ATG4C: variants seen among roughly 807,000 people sequenced by gnomAD.
ATG4C encodes autophagy related 4C cysteine peptidase.
Under a neutral mutation model 57.6 loss-of-function variants are expected in ATG4C, and 56 were observed. That is an observed-to-expected ratio of 0.97 (90% CI 0.78 to 1.21). The LOEUF is 1.21. Ranked by LOEUF, ATG4C falls within the 50% of genes most tolerant of loss-of-function variation. The pLI, the probability that ATG4C is intolerant of heterozygous loss-of-function variation, is 0.00. For synonymous variants in ATG4C, 157 were observed against 174.1 expected, an observed-to-expected ratio of 0.90 and a Z score of 0.78; for missense variants, 595 against 529.8, an observed-to-expected ratio of 1.12 and a Z score of -1.21.
intron 10 of ATG4C, among the ~76,000 whole-genome samples, chr1:62,858,745 TA>T (rs1666761306): frequency 6.6e-6 from 1 of 152,214 alleles, no homozygotes; most frequent in African/African-American, 2.4e-5. Flanking sequence ...CAGGCCTTTT[TA>T]TTTGAGGGCT....
chr1:62,852,958 A>G (rs1268231688), intron 10 of ATG4C, among the ~76,000 whole-genome samples: 3 of 152,174 alleles, frequency 2.0e-5, no homozygotes, highest in Non-Finnish European at 2.9e-5. Context: ...TTGATCTCCT[A>G]TATTCTGAAT....
In ATG4C at chr1:62,819,102, A is replaced by G; in HGVS notation, c.492A>G (p.Ser164=). The change falls in exon 5 of 11, where the codon TCA becomes TCG. Residue 164 remains serine (S), a synonymous_variant. Coordinates refer to ENST00000317868, the MANE Select transcript of ATG4C (RefSeq NM_032852.4). The stretch of plus-strand genomic sequence containing the variant: ...AATTTACTGCATCATTTGAAGCATC[A>G]CTTTCAGGGGAAAGAGAATTCAAAA... ...VKKFTASFEA[S]LSGEREFKTP... 6.2e-7 allele frequency: 1 copy of G among 1,612,570 alleles called. No individual in the cohort carries two copies. The highest frequency in any genetic ancestry group is 8.5e-7 in the Non-Finnish European group (1 of 1,179,302).
chr1:62,841,765 C>T (rs1272960233), intron 10 of ATG4C, among the ~76,000 whole-genome samples: 2 of 151,968 alleles, frequency 1.3e-5, no homozygotes, highest in Non-Finnish European at 2.9e-5. Flanking sequence ...TTGATTGGTC[C>T]ACTAGGTGGC....
intron 1 of ATG4C, chr1:62,785,270 A>G (rs1399634908): frequency 1.8e-4 from 27 of 152,316 alleles, no homozygotes; most frequent in Admixed American, 1.7e-3. Flanking sequence ...GGTAAAGTCT[A>G]TGTATTTTCT....
intron 6 of ATG4C, among the ~76,000 whole-genome samples, chr1:62,828,251 A>C (rs1665729409): frequency 6.6e-6 from 1 of 152,130 alleles, no homozygotes; most frequent in Non-Finnish European, 1.5e-5. Context: ...GGTTAAACTA[A>C]TCTACACTCC....
intron 3 of ATG4C, among the ~76,000 whole-genome samples, chr1:62,808,282 G>T (rs1021000000): frequency 1.3e-5 from 2 of 152,174 alleles, no homozygotes; most frequent in Non-Finnish European, 2.9e-5. Context: ...AGACAGAGAG[G>T]AAACAAAGAT....
In ATG4C at chr1:62,803,745, A is replaced by C; in HGVS notation, c.-42A>C. Reference sequence around the variant, plus strand: ...CAGTATAAAAGATTAAACTCTACAGAAGAATGCAATCAAGTGATGGCTTTT... The same window carrying C: ...CAGTATAAAAGATTAAACTCTACAGCAGAATGCAATCAAGTGATGGCTTTT... On this transcript the variant is annotated 5_prime_UTR_variant, in exon 2 of 11. Transcript: ENST00000317868. 2 of 1,381,164 alleles carry C rather than the reference A, an allele frequency of 1.4e-6. No homozygotes were observed. Among genetic ancestry groups the C allele is most frequent in the Non-Finnish European group, 2.0e-6 (2 of 987,162 alleles). The allele number at this position is 1,381,164 out of a possible 1,614,324, so 85.6% of individuals were successfully genotyped here. A position where few individuals can be genotyped will look rare whatever the true frequency, so the allele number is the denominator to read the frequency against.
chr1:62,861,576 AACACACACACACACACACACACACAC>A (rs57225222), intron 10 of ATG4C, among the ~76,000 whole-genome samples: 97 of 133,562 alleles, frequency 7.3e-4, no homozygotes, highest in African/African-American at 2.6e-3. Flanking sequence ...TGGAAAATAG[AACACACACACACACACACACACACAC>A]ACACACACAC....
chr1:62,802,570 A>G (rs978208134), intron 1 of ATG4C, among the ~76,000 whole-genome samples: 1 of 152,074 alleles, frequency 6.6e-6, no homozygotes, highest in Non-Finnish European at 1.5e-5. Context: ...ATTCCTTTCC[A>G]TGTTCTTCTC....
At chr1:62,806,614 C>T (rs990054685) in intron 3 of ATG4C, among the ~76,000 whole-genome samples, 5 of 151,796 alleles carry the variant, frequency 3.3e-5, no homozygotes, top group Admixed American at 6.6e-5. Context: ...GACTTCTTTT[C>T]TGGAGTAGGA....
intron 10 of ATG4C, among the ~76,000 whole-genome samples, chr1:62,848,413 C>T (rs1056287259): frequency 6.6e-6 from 1 of 152,040 alleles, no homozygotes; most frequent in African/African-American, 2.4e-5. Flanking sequence ...TACTCTGCTT[C>T]CTTTTGGGAT....
At chr1:62,811,416 A>G (rs1363279437) in intron 3 of ATG4C, among the ~76,000 whole-genome samples, 1 of 152,200 alleles carries the variant, frequency 6.6e-6, no homozygotes. Flanking sequence ...CGTGCTGTGC[A>G]CTGTTATGTC....
At position 62,841,449 on chromosome 1, in the gene ATG4C, A is replaced by C; in HGVS notation, c.1111A>C (p.Lys371Gln). 6.2e-7 allele frequency: 1 copy of C among 1,606,298 alleles called. No homozygotes were observed. Among genetic ancestry groups the C allele is most frequent in the Non-Finnish European group, 8.5e-7 (1 of 1,175,710 alleles). The change falls in exon 10 of 11, where the codon AAA (lysine) becomes CAA (glutamine). Residue 371 changes from lysine (K) to glutamine (Q), a missense_variant. Transcript: ENST00000317868. ...ACAGACATTCCACTGCCCTTCTCCC[A>C]AAAAGATGTCTTTTCGAAAAATGGA... ...PLETFHCPSP[K>Q]KMSFRKMDPS...
At chr1:62,857,575 A>AC (rs1374753775) in intron 10 of ATG4C, among the ~76,000 whole-genome samples, 12 of 151,382 alleles carry the variant, frequency 7.9e-5, no homozygotes, top group Admixed American at 5.3e-4. Flanking sequence ...ATCCATCCCC[A>AC]CCCCCCCAGT....
At chr1:62,802,894 CTA>C (rs1418870023) in intron 1 of ATG4C, among the ~76,000 whole-genome samples, 2 of 152,098 alleles carry the variant, frequency 1.3e-5, no homozygotes, top group African/African-American at 4.8e-5. Flanking sequence ...AATGGAATGT[CTA>C]TTGTTAGAGA....
intron 1 of ATG4C, among the ~76,000 whole-genome samples, chr1:62,786,858 A>G (rs1664106292): frequency 6.6e-6 from 1 of 152,158 alleles, no homozygotes; most frequent in South Asian, 2.1e-4. Context: ...TACAGAGGGG[A>G]TAAGAGTGGG....
intron 1 of ATG4C, among the ~76,000 whole-genome samples, chr1:62,790,246 A>G (rs1315131065): frequency 6.6e-6 from 1 of 152,220 alleles, no homozygotes; most frequent in Non-Finnish European, 1.5e-5. Context: ...TCATGAGTTC[A>G]TAGGATACCT....
chr1:62,796,927 G>A (rs1254358806), intron 1 of ATG4C, among the ~76,000 whole-genome samples: 2 of 152,086 alleles, frequency 1.3e-5, no homozygotes, highest in Admixed American at 6.5e-5. Context: ...GGCCAACATG[G>A]TGAAACCCCG....
intron 10 of ATG4C, among the ~76,000 whole-genome samples, chr1:62,862,382 G>T (rs1219711191): frequency 6.6e-6 from 1 of 152,102 alleles, no homozygotes; most frequent in Non-Finnish European, 1.5e-5. Flanking sequence ...TAACTCTGCT[G>T]TGTTGATCTG....
Sources: gnomAD v4.1 joint callset for allele counts (sites outside exome capture counted in the v4.1 genomes callset) on GRCh38, gnomAD v4.1.1 for gene constraint, MANE v1.5 for transcripts, NCBI Gene and HGNC (gene_info 2026-07-23, HGNC 2026-07-21) for gene names.